The following EYA1 variants were observed in gnomAD, a reference collection of about 807,000 sequenced individuals.
EYA1 encodes EYA transcriptional coactivator and phosphatase 1.
In EYA1, 16 loss-of-function variants were observed where a neutral mutation model predicts 82.0. The observed-to-expected ratio is 0.20, with a 90% CI of 0.13 to 0.30. EYA1 has a LOEUF of 0.30. Ranked by LOEUF, EYA1 falls within the 10% of genes least tolerant of loss-of-function variation. The probability of loss-of-function intolerance (pLI) is 1.00; values close to 1 mark genes in which losing one functional copy is unlikely to be tolerated. For missense variants in EYA1, 633 were observed against 730.7 expected (o/e 0.87, Z 1.54); for synonymous variants, 261 against 264.4 (o/e 0.99, Z 0.12).
At chr8:71,236,549 T>C (rs1426915300) in intron 12 of EYA1, among the ~76,000 whole-genome samples, 2 of 152,168 alleles carry the variant, frequency 1.3e-5, no homozygotes, top group East Asian at 3.8e-4. Flanking sequence ...ATTTCTCTAT[T>C]GTAGTGGTAA....
chr8:71,505,285 G>A (rs951861065), intron 2 of EYA1, among the ~76,000 whole-genome samples: 2 of 152,148 alleles, frequency 1.3e-5, no homozygotes, highest in African/African-American at 4.8e-5. Context: ...AGTTCACTAG[G>A]CGATTCTTAT....
intron 2 of EYA1, among the ~76,000 whole-genome samples, chr8:71,417,544 T>A (rs1040848968): frequency 6.6e-6 from 1 of 152,158 alleles, no homozygotes; most frequent in African/African-American, 2.4e-5. Context: ...GACATTTGAG[T>A]TGTTTGCAGT....
intron 2 of EYA1, among the ~76,000 whole-genome samples, chr8:71,389,110 G>A (rs75754553): frequency 2.6e-5 from 4 of 151,846 alleles, no homozygotes; most frequent in Non-Finnish European, 5.9e-5. Context: ...GAGAGAGGGA[G>A]AAAGAAAAGA....
intron 1 of EYA1, among the ~76,000 whole-genome samples, chr8:71,546,281 A>T (rs1815565319): frequency 6.6e-6 from 1 of 152,170 alleles, no homozygotes; most frequent in Non-Finnish European, 1.5e-5. Context: ...CAATGCAGAA[A>T]CAATTTTTAT....
chr8:71,393,018 G>A (rs555259258), intron 2 of EYA1, among the ~76,000 whole-genome samples: 6 of 152,076 alleles, frequency 3.9e-5, no homozygotes, highest in Non-Finnish European at 7.4e-5. Flanking sequence ...AAAGAAAATT[G>A]GTTTCATAGA....
intron 9 of EYA1, among the ~76,000 whole-genome samples, chr8:71,275,668 C>T (rs1333798087): frequency 6.6e-6 from 1 of 152,024 alleles, no homozygotes; most frequent in Non-Finnish European, 1.5e-5. Context: ...CTTCAGATCA[C>T]CCAAGAAACA....
chr8:71,316,085 TGAAGA>T (rs1331186538), intron 7 of EYA1, among the ~76,000 whole-genome samples: 1 of 152,028 alleles, frequency 6.6e-6, no homozygotes, highest in Non-Finnish European at 1.5e-5. Context: ...TGACAACCAC[TGAAGA>T]GAAGAAAAAA....
intron 2 of EYA1, among the ~76,000 whole-genome samples, chr8:71,496,798 C>T (rs190791284): frequency 7.2e-5 from 11 of 151,988 alleles, no homozygotes; most frequent in South Asian, 2.1e-4. Flanking sequence ...TTGTGTCAGT[C>T]GATTACCACC....
chr8:71,492,840 A>C lies in EYA1; in HGVS notation c.33+42904T>G, dbSNP rs570758534. Reference sequence around the variant, plus strand: ...TAAACTTGTGTCACAGGAGTGTGCTATGCAGATTATTTCATCACCCAGGTA... The same window carrying C: ...TAAACTTGTGTCACAGGAGTGTGCTCTGCAGATTATTTCATCACCCAGGTA... On this transcript the variant is annotated intron_variant, in intron 2 of 18. Coordinates refer to the EYA1 transcript ENST00000643681. Among the ~76,000 whole-genome samples, 9 of 152,304 alleles carry C rather than the reference A, an allele frequency of 5.9e-5. No homozygotes were observed. The East Asian group carries it at 1.5e-3, about 26-fold the overall frequency.
chr8:71,483,571 AC>A (rs1810339798), intron 2 of EYA1, among the ~76,000 whole-genome samples: 1 of 149,686 alleles, frequency 6.7e-6, no homozygotes, highest in African/African-American at 2.5e-5. Context: ...AAAAAAAAAC[AC>A]CACATTTTTT....
chr8:71,476,802 C>T (rs1196760985), intron 2 of EYA1, among the ~76,000 whole-genome samples: 1 of 152,060 alleles, frequency 6.6e-6, no homozygotes, highest in Non-Finnish European at 1.5e-5. Flanking sequence ...AGTTGGAAGA[C>T]TCAGACTTCC....
intron 2 of EYA1, among the ~76,000 whole-genome samples, chr8:71,402,546 T>C (rs936940733): frequency 6.6e-6 from 1 of 152,228 alleles, no homozygotes; most frequent in African/African-American, 2.4e-5. Flanking sequence ...ATTTAACGTA[T>C]ACAATAATGT....
chr8:71,425,045 G>A (rs1348623075), intron 2 of EYA1, among the ~76,000 whole-genome samples: 1 of 146,022 alleles, frequency 6.8e-6, no homozygotes, highest in East Asian at 2.0e-4. Context: ...CGGATCACGA[G>A]GTCAGGAGAT....
At chr8:71,360,819 G>C (rs781427965) in intron 1 of EYA1, among the ~76,000 whole-genome samples, 13 of 152,122 alleles carry the variant, frequency 8.5e-5, no homozygotes, top group Admixed American at 7.2e-4. Context: ...AAACAAAAAC[G>C]TTTGCCTAAA....
intron 2 of EYA1, among the ~76,000 whole-genome samples, chr8:71,462,812 G>A (rs1277190986): frequency 7.9e-5 from 12 of 152,174 alleles, no homozygotes; most frequent in Non-Finnish European, 1.3e-4. Context: ...GCTGCCTCAG[G>A]GACATGGGGC....
intron 2 of EYA1, among the ~76,000 whole-genome samples, chr8:71,416,999 C>A (rs1830888992): frequency 6.6e-6 from 1 of 152,078 alleles, no homozygotes; most frequent in Non-Finnish European, 1.5e-5. Flanking sequence ...TCAGCTGCCA[C>A]CACTTCCAGA....
At chr8:71,383,198 CTGGCAATTCCAAATGT>C (rs1167913526) in intron 2 of EYA1, among the ~76,000 whole-genome samples, 2 of 151,936 alleles carry the variant, frequency 1.3e-5, no homozygotes, top group Non-Finnish European at 1.5e-5. Flanking sequence ...ATTATAAACT[CTGGCAATTCCAAATGT>C]TGGCAAAGTT....
intron 12 of EYA1, among the ~76,000 whole-genome samples, chr8:71,236,150 C>T (rs1214455494): frequency 3.3e-5 from 5 of 152,248 alleles, no homozygotes; most frequent in Non-Finnish European, 7.4e-5. Flanking sequence ...ATTCTCCTGC[C>T]TCAGCATCCC....
chr8:71,450,535 A>T (rs1293791884), intron 2 of EYA1, among the ~76,000 whole-genome samples: 1 of 152,232 alleles, frequency 6.6e-6, no homozygotes, highest in Non-Finnish European at 1.5e-5. Flanking sequence ...GAGATCAAAA[A>T]TTACAGATTA....
Sources: allele counts gnomAD v4.1 joint callset (sites outside exome capture counted in the v4.1 genomes callset), GRCh38; gene constraint gnomAD v4.1.1; transcripts MANE v1.5; gene names NCBI Gene and HGNC (gene_info 2026-07-23, HGNC 2026-07-21).